The following HECTD4 variants were observed in gnomAD, a reference collection of about 807,000 sequenced individuals.
HECTD4 encodes probable E3 ubiquitin-protein ligase HECTD4.
HECTD4 carries 114 observed loss-of-function variants against 471.5 expected under a neutral mutation model. The ratio of observed to expected loss-of-function variants is 0.24; its 90% confidence interval spans 0.21 to 0.28. The LOEUF (loss-of-function observed/expected upper bound fraction) is 0.28, where lower values mean the gene tolerates loss of function less well. HECTD4 is among the 10% of genes least tolerant of loss of function. The probability of loss-of-function intolerance (pLI) is 1.00; values close to 1 mark genes in which losing one functional copy is unlikely to be tolerated. For missense variants in HECTD4, 3,866 were observed against 5,651.5 expected, an observed-to-expected ratio of 0.68 and a Z score of 10.13; for synonymous variants, 2,012 against 2,256.0, an observed-to-expected ratio of 0.89 and a Z score of 3.07.
intron 72 of HECTD4, among the ~76,000 whole-genome samples, chr12:112,164,959 C>G (rs1464696467): frequency 6.8e-6 from 1 of 147,416 alleles, no homozygotes; most frequent in Non-Finnish European, 1.5e-5. Context: ...CAGATTCTCG[C>G]TCTGTCAGCT....
chr12:112,257,956 G>A (rs1490782176), intron 20 of HECTD4, among the ~76,000 whole-genome samples: 1 of 152,208 alleles, frequency 6.6e-6, no homozygotes, highest in African/African-American at 2.4e-5. Flanking sequence ...TTGGGAGGCT[G>A]AGGTGGGCGG....
intron 1 of HECTD4, among the ~76,000 whole-genome samples, chr12:112,320,128 A>G (rs2035554785): frequency 6.6e-6 from 1 of 151,322 alleles, no homozygotes; most frequent in Non-Finnish European, 1.5e-5. Context: ...TGAGCCCAGC[A>G]GTTGGAAACC....
At chr12:112,279,108 A>T in intron 9 of HECTD4, 120 bp downstream of exon 9, 2 of 788,230 alleles carry the variant, frequency 2.5e-6, no homozygotes, top group Non-Finnish European at 2.0e-6. Context: ...ATTTTTTGTT[A>T]TCAGAGAGCT....
At chr12:112,192,190 G>A (rs1191055945) in intron 59 of HECTD4, among the ~76,000 whole-genome samples, 1 of 152,234 alleles carries the variant, frequency 6.6e-6, no homozygotes, top group Non-Finnish European at 1.5e-5. Context: ...GCCATGTTGA[G>A]AATTTGGTTA....
rs377634527 is a variant in HECTD4 at position 112,176,710 on chromosome 12, C to T, written c.11364-8G>A. The T allele has an allele frequency of 2.5e-6, 4 of 1,598,882 alleles. No individual in the cohort carries two copies. Among genetic ancestry groups the T allele is most frequent in the Non-Finnish European group, 3.4e-6 (4 of 1,166,092 alleles). Reference sequence around the variant, plus strand: ...TCACTTAAGGCAGTCCTGCTGTAGACCAAAGCACTGGAATTAGACTAATGC... The same window carrying T: ...TCACTTAAGGCAGTCCTGCTGTAGATCAAAGCACTGGAATTAGACTAATGC... On this transcript the variant is annotated splice_polypyrimidine_tract_variant and splice_region_variant and intron_variant, in intron 64 of 75. Transcript: ENST00000682272.
chr12:112,320,115 G>T (rs2035554509), intron 1 of HECTD4, among the ~76,000 whole-genome samples: 1 of 150,832 alleles, frequency 6.6e-6, no homozygotes, highest in Non-Finnish European at 1.5e-5. Flanking sequence ...TGGGTGGATA[G>T]CTTGAGCCCA....
At chr12:112,343,287 C>T (rs1229184175) in intron 1 of HECTD4, among the ~76,000 whole-genome samples, 1 of 152,194 alleles carries the variant, frequency 6.6e-6, no homozygotes, top group African/African-American at 2.4e-5. Flanking sequence ...TCAAAACTAT[C>T]CTTCAAATTA....
At position 112,325,399 on chromosome 12, in the gene HECTD4, C is replaced by T. The variant is rs1257007812; in HGVS notation, c.178-5657G>A. On this transcript the variant is annotated intron_variant, in intron 1 of 75. Coordinates refer to ENST00000682272, the MANE Select transcript of HECTD4 (RefSeq NM_001388303.1). The stretch of plus-strand genomic sequence containing the variant: ...ACTCAGCGTTATCCATTTCAGGGGC[C>T]CCTTATGAAAACTCAGAACTGTTTG... Among the ~76,000 whole-genome samples the T allele has an allele frequency of 2.6e-5, 4 of 152,138 alleles. No homozygotes were observed. The South Asian group carries it at 8.3e-4, about 32-fold the overall frequency.
At chr12:112,219,582 G>T (rs1411651759) in intron 44 of HECTD4, 93 bp from the exon 45 acceptor site, 2 of 812,352 alleles carry the variant, frequency 2.5e-6, no homozygotes, top group African/African-American at 1.7e-5. Flanking sequence ...ACAATAAAAT[G>T]CACTTATAGA....
In HECTD4 at chr12:112,167,302, G is replaced by T. The variant is rs750635482; in HGVS notation, c.12534+15C>A. On this transcript the variant is annotated intron_variant, in intron 72 of 75. Coordinates refer to ENST00000682272, the MANE Select transcript of HECTD4 (RefSeq NM_001388303.1). ...CCGGGTTCTGCAGCCCCCCAGAACTGTGCCTTGCACTCACGCTCTCAAACT... is the reference window on the plus strand; with the variant it reads ...CCGGGTTCTGCAGCCCCCCAGAACTTTGCCTTGCACTCACGCTCTCAAACT... 83 of 1,597,426 alleles carry T rather than the reference G, an allele frequency of 5.2e-5. No individual in the cohort carries two copies. Among genetic ancestry groups the T allele is most frequent in the Non-Finnish European group, 7.1e-5 (83 of 1,169,190 alleles).
Position 112,239,700 on chromosome 12 carries a change from T to A in HECTD4, c.5105+181A>T, listed in dbSNP as rs10850019. Among the ~76,000 whole-genome samples the A allele has an allele frequency of 0.055, 8,451 of 152,294 alleles. 1,296 individuals carry two copies. The East Asian group carries it at 0.61, about 11-fold the overall frequency. ...CCCTAATGGCTGCATTTAGTCATGT[T>A]GGAACTCAATAATAAGAAATTTACA... On this transcript the variant is annotated intron_variant, in intron 33 of 75. Transcript: ENST00000682272. This position sits in a 1 kb window ranked among gnomAD's most constrained non-coding sequence, Gnocchi z 4.9.
chr12:112,381,879 G>T lies in HECTD4; in HGVS notation c.177+73C>A. The T allele has an allele frequency of 1.9e-6, 2 of 1,079,894 alleles. 1 individual carries two copies. The highest frequency in any genetic ancestry group is 9.3e-5 in the South Asian group (2 of 21,500). The allele number at this position is 1,079,894 out of a possible 1,614,324, so 66.9% of individuals were successfully genotyped here. Reference sequence around the variant, plus strand: ...GAGGCGAGGCCGCGGCTGAGGCGAGGAGGGGGCCCGACCCGGGGGTGCCGG... The same window carrying T: ...GAGGCGAGGCCGCGGCTGAGGCGAGTAGGGGGCCCGACCCGGGGGTGCCGG... On this transcript the variant is annotated intron_variant, in intron 1 of 75. Coordinates refer to ENST00000682272, the MANE Select transcript of HECTD4 (RefSeq NM_001388303.1). This position sits in a 1 kb window ranked among gnomAD's most constrained non-coding sequence, Gnocchi z 4.1.
At chr12:112,198,514 G>C (rs1343042713) in intron 55 of HECTD4, among the ~76,000 whole-genome samples, 1 of 152,216 alleles carries the variant, frequency 6.6e-6, no homozygotes, top group Admixed American at 6.5e-5. Context: ...CTGTTGTGGA[G>C]AGGAGAGTTG....
intron 1 of HECTD4, among the ~76,000 whole-genome samples, chr12:112,327,505 C>G (rs1480024641): frequency 6.6e-6 from 1 of 152,042 alleles, no homozygotes; most frequent in East Asian, 1.9e-4. Context: ...GTAAAACACA[C>G]TTGTTCAATT....
At chr12:112,171,595 T>C (rs543357758) in intron 67 of HECTD4, among the ~76,000 whole-genome samples, 1 of 152,312 alleles carries the variant, frequency 6.6e-6, no homozygotes, top group Admixed American at 6.5e-5. Context: ...GTTGCAAAAA[T>C]GGCACAAAGA....
intron 1 of HECTD4, among the ~76,000 whole-genome samples, chr12:112,366,260 C>T (rs1240089527): frequency 6.6e-6 from 1 of 152,096 alleles, no homozygotes; most frequent in Non-Finnish European, 1.5e-5. Flanking sequence ...CTAATCCCAG[C>T]ACTTTGGGAG....
chr12:112,375,888 G>A (rs1006527760), intron 1 of HECTD4, among the ~76,000 whole-genome samples: 2 of 150,682 alleles, frequency 1.3e-5, no homozygotes, highest in African/African-American at 2.4e-5. Flanking sequence ...GGCCAATATG[G>A]CGAAACCGCA....
At chr12:112,175,220 C>G (rs2031392292) in intron 66 of HECTD4, among the ~76,000 whole-genome samples, 1 of 152,166 alleles carries the variant, frequency 6.6e-6, no homozygotes, top group Admixed American at 6.5e-5. Context: ...CATTTGGAGA[C>G]AGGGCCTTTA....
intron 69 of HECTD4, 69 bp from the exon 70 acceptor site, chr12:112,169,727 A>T: frequency 6.3e-7 from 1 of 1,578,694 alleles, no homozygotes; most frequent in Non-Finnish European, 8.7e-7. Flanking sequence ...TTGAGGACAG[A>T]CCCTGGGCCT....
Sources: allele counts gnomAD v4.1 joint callset (sites outside exome capture counted in the v4.1 genomes callset), GRCh38; gene constraint gnomAD v4.1.1; non-coding constraint Gnocchi (gnomAD v3.1); transcripts MANE v1.5; gene names NCBI Gene and HGNC (gene_info 2026-07-23, HGNC 2026-07-21).